Variants in UBAP1 observed in about 807,000 individuals in gnomAD.
UBAP1 encodes the protein ubiquitin associated protein 1, also known as ubiquitin-associated protein 1.
A neutral mutation model predicts 39.0 loss-of-function variants in UBAP1; 5 were observed. The observed-to-expected ratio is 0.13, with a 90% CI of 0.07 to 0.27. The LOEUF (loss-of-function observed/expected upper bound fraction) is 0.27, where lower values mean the gene tolerates loss of function less well. Among genes scored for constraint, UBAP1 ranks in the 10% least tolerant of loss-of-function variants. The pLI, the probability that UBAP1 is intolerant of heterozygous loss-of-function variation, is 1.00. For synonymous variants in UBAP1, 211 were observed against 225.1 expected (o/e 0.94, Z 0.56); for missense variants, 490 against 608.1 (o/e 0.81, Z 2.04).
intron 2 of UBAP1, among the ~76,000 whole-genome samples, chr9:34,230,371 GTTA>G (rs1283448126): frequency 6.6e-6 from 1 of 152,146 alleles, no homozygotes; most frequent in African/African-American, 2.4e-5. Flanking sequence ...GCCAAATATA[GTTA>G]TTATTAATGT....
chr9:34,206,801 C>T (rs1299849827), intron 1 of UBAP1, among the ~76,000 whole-genome samples: 1 of 151,868 alleles, frequency 6.6e-6, no homozygotes. Context: ...GCATCGGATT[C>T]TGCTTTTTTC....
intron 1 of UBAP1, among the ~76,000 whole-genome samples, chr9:34,215,490 G>A (rs553537273): frequency 6.7e-6 from 1 of 148,820 alleles, no homozygotes; most frequent in East Asian, 2.0e-4. Context: ...CTATGAGGAC[G>A]CAAAGGCATA....
At chr9:34,182,967 A>G (rs1355241476) in intron 1 of UBAP1, among the ~76,000 whole-genome samples, 1 of 151,792 alleles carries the variant, frequency 6.6e-6, no homozygotes, top group Non-Finnish European at 1.5e-5. Context: ...TTTAGTAGAG[A>G]TGAGGTTTCA....
At chr9:34,211,394 C>CT (rs1481925720) in intron 1 of UBAP1, among the ~76,000 whole-genome samples, 6 of 152,110 alleles carry the variant, frequency 3.9e-5, no homozygotes, top group Admixed American at 3.9e-4. Context: ...TTCCCAAAGC[C>CT]ATCTTTTTGT....
chr9:34,225,081 A>G (rs903456465), intron 2 of UBAP1, among the ~76,000 whole-genome samples: 3 of 152,220 alleles, frequency 2.0e-5, no homozygotes, highest in Admixed American at 2.0e-4. Context: ...TTAGCTTATG[A>G]GCCTGTGGAT....
chr9:34,210,563 A>G (rs1427879662), intron 1 of UBAP1, among the ~76,000 whole-genome samples: 4 of 142,242 alleles, frequency 2.8e-5, no homozygotes, highest in African/African-American at 7.6e-5. Context: ...TACTAAATAC[A>G]AAAAAATTAG....
chr9:34,217,621 C>A (rs1158220452), intron 1 of UBAP1, among the ~76,000 whole-genome samples: 1 of 150,346 alleles, frequency 6.7e-6, no homozygotes, highest in African/African-American at 2.4e-5. Context: ...CGGTTTGTTA[C>A]CTGAGTAACA....
intron 3 of UBAP1, among the ~76,000 whole-genome samples, chr9:34,239,186 G>A (rs149564336): frequency 1.9e-4 from 29 of 152,322 alleles, no homozygotes; most frequent in African/African-American, 6.3e-4. Context: ...CTGGGACTAC[G>A]GCATGTGCCA....
chr9:34,244,276 A>G (rs539637389), intron 4 of UBAP1, among the ~76,000 whole-genome samples: 10 of 151,536 alleles, frequency 6.6e-5, no homozygotes, highest in African/African-American at 9.7e-5. Flanking sequence ...GATCACACAC[A>G]TAAGTGAGAA....
chr9:34,232,004 A>G (rs981631210), intron 2 of UBAP1, among the ~76,000 whole-genome samples: 1 of 151,996 alleles, frequency 6.6e-6, no homozygotes, highest in African/African-American at 2.4e-5. Context: ...ACAAAGAGGT[A>G]AGTCCTAAGG....
In UBAP1 at chr9:34,241,573, T is replaced by C; in HGVS notation, c.548T>C (p.Ile183Thr). 1 of 1,614,170 alleles carries C rather than the reference T, an allele frequency of 6.2e-7. No individual in the cohort carries two copies. ...TIDEKEELRNILVGTTGPIMA... is the reference protein window; with the variant it reads ...TIDEKEELRNTLVGTTGPIMA... ...GATGAGAAGGAAGAGCTGAGAAATA[T>C]TCTGGTAGGAACCACTGGACCCATT... Residue 183 changes from isoleucine to threonine, a missense_variant, in exon 4 of 7, where the codon ATT (isoleucine) becomes ACT (threonine). Ile to Thr is a moderately conservative substitution (Grantham distance 89, BLOSUM62 -1). Transcript: ENST00000297661.
At position 34,179,460 on chromosome 9, in the gene UBAP1, T is replaced by C. The variant is rs541970944; in HGVS notation, c.-8+220T>C. Among the ~76,000 whole-genome samples the C allele has an allele frequency of 2.7e-5, 4 of 150,730 alleles. No homozygotes were observed. The South Asian group carries it at 6.3e-4, about 24-fold the overall frequency. ...CGGAGTTGAAGGGGCGGAGGGGAAG[T>C]GGGATGCGGAAAAATGAGTTCGGAT... On this transcript the variant is annotated intron_variant, in intron 1 of 6. Transcript: ENST00000297661.
intron 4 of UBAP1, among the ~76,000 whole-genome samples, chr9:34,246,038 C>T (rs1185087996): frequency 6.6e-6 from 1 of 152,110 alleles, no homozygotes; most frequent in Non-Finnish European, 1.5e-5. Context: ...CACTGCTACC[C>T]CCTTTCCTTT....
intron 1 of UBAP1, among the ~76,000 whole-genome samples, chr9:34,192,530 AAAAAAAAG>A (rs1233437613): frequency 6.6e-6 from 1 of 151,096 alleles, no homozygotes; most frequent in African/African-American, 2.4e-5. Context: ...AAAAAAAAAA[AAAAAAAAG>A]ATCTACACTT....
At chr9:34,244,292 G>A (rs993843772) in intron 4 of UBAP1, among the ~76,000 whole-genome samples, 1 of 150,586 alleles carries the variant, frequency 6.6e-6, no homozygotes, top group African/African-American at 2.5e-5. Flanking sequence ...GAGAACATGT[G>A]ATGTTTGTCT....
intron 1 of UBAP1, among the ~76,000 whole-genome samples, chr9:34,210,184 C>T (rs1276563265): frequency 2.0e-5 from 3 of 152,110 alleles, no homozygotes; most frequent in African/African-American, 7.2e-5. Flanking sequence ...GGTACTGTGA[C>T]CTCTTGTTGG....
rs1392074041 is a variant in UBAP1, at chr9:34,181,651, C to CTTGA, written c.-8+2412_-8+2413insTGAT. On this transcript the variant is annotated intron_variant, in intron 1 of 6. Transcript: ENST00000297661. ...GTTTCACTGGGTTAGCCAGGATGGT[C>CTTGA]TCGATCTCCTGACCTCGTGATCCGC... Among the ~76,000 whole-genome samples, 36 of 136,120 alleles carry CTTGA rather than the reference C, an allele frequency of 2.6e-4. 1 individual carries two copies. The highest frequency in any genetic ancestry group is 1.3e-3 in the Admixed American group (16 of 12,682). The allele number at this position is 136,120 out of a possible 152,430, so 89.3% of individuals were successfully genotyped here. A position where few individuals can be genotyped will look rare whatever the true frequency, so the allele number is the denominator to read the frequency against.
At chr9:34,224,395 A>G (rs542650847) in intron 2 of UBAP1, 3 of 421,380 alleles carry the variant, frequency 7.1e-6, no homozygotes, top group Non-Finnish European at 1.3e-5. Context: ...GACAACATCG[A>G]TGATCCTTGT....
chr9:34,209,539 A>C (rs369734116), intron 1 of UBAP1, among the ~76,000 whole-genome samples: 6 of 151,910 alleles, frequency 3.9e-5, no homozygotes, highest in African/African-American at 1.5e-4. Flanking sequence ...AAAGTAAAAC[A>C]CAATGGTTTG....
Sources: allele counts gnomAD v4.1 joint callset (sites outside exome capture counted in the v4.1 genomes callset), GRCh38; gene constraint gnomAD v4.1.1; transcripts MANE v1.5; gene names NCBI Gene and HGNC (gene_info 2026-07-23, HGNC 2026-07-21).